Variants in IGF2R observed in about 807,000 individuals in gnomAD.
IGF2R encodes insulin like growth factor 2 receptor, also known as cation-independent mannose-6-phosphate receptor.
In IGF2R, 91 loss-of-function variants were observed where a neutral mutation model predicts 270.6. The observed-to-expected ratio is 0.34, with a 90% CI of 0.28 to 0.40. The LOEUF (loss-of-function observed/expected upper bound fraction) is 0.40. IGF2R is among the 10% of genes least tolerant of loss of function. The pLI is 1.00. For missense variants in IGF2R, 2,805 were observed against 3,188.3 expected (o/e 0.88, Z 2.90); for synonymous variants, 1,316 against 1,258.9 (o/e 1.05, Z -0.96).
At position 160,088,167 on chromosome 6, in the gene IGF2R, A is replaced by C. The variant is rs2114729201; in HGVS notation, c.6320+20A>C. The C allele has an allele frequency of 3.5e-6, 5 of 1,427,134 alleles. No individual in the cohort carries two copies. In the East Asian group the frequency reaches 6.8e-5, roughly 19 times the overall value. The allele number at this position is 1,427,134 out of a possible 1,614,324, so 88.4% of individuals were successfully genotyped here. A position where few individuals can be genotyped will look rare whatever the true frequency, so the allele number is the denominator to read the frequency against. ...CAAGAGGTCAGGAGACTGGGGGCTC[A>C]GAGCGGGACTGTGCAGTGAGCATAC... On this transcript the variant is annotated intron_variant, in intron 42 of 47. Transcript: ENST00000356956.
rs1276450426 is a variant in IGF2R at position 160,106,429 on chromosome 6, C to A, written c.*1345C>A. 1 of 152,534 alleles carries A rather than the reference C, an allele frequency of 6.6e-6. No individual in the cohort carries two copies. The highest frequency in any genetic ancestry group is 1.5e-5 in the Non-Finnish European group (1 of 68,032). 9.4% of individuals were successfully genotyped at this position (152,534 alleles called of 1,614,324 possible). ...CATCCCTCAGCCTGTACCGGTTTGGCTGGCTTGTTTGATTTCAACATGAGT... is the reference window on the plus strand; with the variant it reads ...CATCCCTCAGCCTGTACCGGTTTGGATGGCTTGTTTGATTTCAACATGAGT... On this transcript the variant is annotated 3_prime_UTR_variant, in exon 48 of 48. Coordinates refer to ENST00000356956, the MANE Select transcript of IGF2R (RefSeq NM_000876.4).
intron 1 of IGF2R, among the ~76,000 whole-genome samples, chr6:159,983,032 T>C (rs1235387886): frequency 1.3e-5 from 2 of 152,250 alleles, no homozygotes; most frequent in Non-Finnish European, 2.9e-5. Flanking sequence ...TTTAAAGATA[T>C]TCTATATCTG....
intron 4 of IGF2R, among the ~76,000 whole-genome samples, chr6:160,021,480 T>TA (rs1777433469): frequency 6.8e-6 from 1 of 147,804 alleles, no homozygotes; most frequent in Admixed American, 6.7e-5. Context: ...CATTAGGAGA[T>TA]ATACCTAATG....
At position 160,057,440 on chromosome 6, in the gene IGF2R, C is replaced by T. The variant is rs8191826; in HGVS notation, c.2797-583C>T. Among the ~76,000 whole-genome samples, 998 of 152,318 alleles carry T rather than the reference C, an allele frequency of 6.6e-3. 11 individuals are homozygous for T. The Middle Eastern group carries it at 0.075, about 11-fold the overall frequency. On this transcript the variant is annotated intron_variant, in intron 20 of 47. Coordinates refer to ENST00000356956, the MANE Select transcript of IGF2R (RefSeq NM_000876.4). ...AGAGACCAAGGCTTTTCCAAACCAA[C>T]GGCCCCAGCACAGGGTCCTGGCTTT...
At chr6:159,971,332 C>A (rs1197795834) in intron 1 of IGF2R, among the ~76,000 whole-genome samples, 1 of 152,162 alleles carries the variant, frequency 6.6e-6, no homozygotes, top group African/African-American at 2.4e-5. Flanking sequence ...GTAGGAATGG[C>A]CTTTGTATCT....
At chr6:160,096,303 G>A (rs1433099197) in intron 44 of IGF2R, 136 bp from the exon 45 acceptor site, 1 of 715,074 alleles carries the variant, frequency 1.4e-6, no homozygotes, top group East Asian at 2.5e-5. Context: ...TGAACAGAGT[G>A]CCTGTGGGAC....
intron 45 of IGF2R, among the ~76,000 whole-genome samples, chr6:160,099,079 A>G (rs183956551): frequency 1.6e-3 from 250 of 152,370 alleles, no homozygotes; most frequent in Admixed American, 4.7e-3. Context: ...ACAGGCATCT[A>G]CAGATGGAAG....
intron 41 of IGF2R, among the ~76,000 whole-genome samples, chr6:160,087,570 G>T (rs190753936): frequency 1.3e-5 from 2 of 152,344 alleles, no homozygotes; most frequent in East Asian, 3.9e-4. Context: ...GTGTGGGAAT[G>T]CAAGAACAGG....
chr6:159,985,258 A>T (rs1286699038), intron 1 of IGF2R, among the ~76,000 whole-genome samples: 12 of 152,240 alleles, frequency 7.9e-5, no homozygotes, highest in Non-Finnish European at 1.8e-4. Context: ...TTTTCTGAAA[A>T]GTTAAAACCA....
chr6:160,000,562 G>A (rs1334362666), intron 2 of IGF2R, among the ~76,000 whole-genome samples: 1 of 151,968 alleles, frequency 6.6e-6, no homozygotes, highest in Non-Finnish European at 1.5e-5. Context: ...GCAAATCAGA[G>A]CAATTATGAG....
chr6:159,973,996 G>A (rs1783651112), intron 1 of IGF2R, among the ~76,000 whole-genome samples: 3 of 152,160 alleles, frequency 2.0e-5, no homozygotes, highest in African/African-American at 7.2e-5. Context: ...GAGAGCTCTT[G>A]CTAATGTTGT....
At chr6:160,065,869 C>T (rs1433250736) in intron 29 of IGF2R, among the ~76,000 whole-genome samples, 5 of 133,956 alleles carry the variant, frequency 3.7e-5, no homozygotes, top group South Asian at 5.0e-4. Flanking sequence ...GATGGAATCT[C>T]GCTCTGTCAC....
At position 160,045,819 on chromosome 6, in the gene IGF2R, G is replaced by C; in HGVS notation, c.1840G>C (p.Ala614Pro). The C allele has an allele frequency of 6.2e-7, 1 of 1,613,274 alleles. No homozygotes were observed. The highest frequency in any genetic ancestry group is 2.2e-5 in the East Asian group (1 of 44,864). ...CTTTTATGAGTTTGAGTGGCACACA[G>C]CTGCGGCCTGTGTGCTGTCTAAGAC... is the stretch of plus-strand genomic sequence containing the variant. ...GCFYEFEWHTAAACVLSKTEG... is the reference protein window; with the variant it reads ...GCFYEFEWHTPAACVLSKTEG... Residue 614 changes from alanine (A) to proline (P), a missense_variant, in exon 14 of 48, where the codon GCT becomes CCT. This residue lies in a region of IGF2R where 954 missense variants were observed against 981.1 expected (regional missense o/e 0.97). Coordinates refer to ENST00000356956, the MANE Select transcript of IGF2R (RefSeq NM_000876.4).
intron 39 of IGF2R, among the ~76,000 whole-genome samples, chr6:160,081,174 G>A (rs959143525): frequency 1.2e-4 from 18 of 151,644 alleles, no homozygotes; most frequent in Non-Finnish European, 1.8e-4. Context: ...GTCCAGTATC[G>A]GGGGAACCAG....
At chr6:160,079,909 G>C in intron 38 of IGF2R, 122 bp downstream of exon 38, 1 of 1,010,068 alleles carries the variant, frequency 9.9e-7, no homozygotes, top group Non-Finnish European at 1.4e-6. Flanking sequence ...AACCTTGGGC[G>C]TGAATGTGAG....
chr6:160,098,108 C>T (rs1779406140), intron 45 of IGF2R, among the ~76,000 whole-genome samples: 1 of 152,158 alleles, frequency 6.6e-6, no homozygotes. Context: ...CATGGAGAGG[C>T]TACAGCTGCC....
In IGF2R at chr6:160,084,017, A is replaced by G; in HGVS notation, c.5901A>G (p.Gln1967=). The G allele has an allele frequency of 6.2e-7, 1 of 1,614,186 alleles. No homozygotes were observed. The highest frequency in any genetic ancestry group is 8.5e-7 in the Non-Finnish European group (1 of 1,180,008). The change falls in exon 40 of 48, where the codon CAA becomes CAG. Residue 1967 remains glutamine, a synonymous_variant. Coordinates refer to ENST00000356956, the MANE Select transcript of IGF2R (RefSeq NM_000876.4). The surrounding 1 kb of genome is among the most constrained non-coding windows in gnomAD (Gnocchi z 4.6). ...AAGATGAGGACATTGGGAGGCCACA[A>G]GTCTTCAGTGAAGTGCGTGGGTGTG... ...CDEDEDIGRP[Q]VFSEVRGCDV... is the part of the protein sequence containing the mutation.
At chr6:160,049,669 C>T (rs1778150276) in intron 18 of IGF2R, among the ~76,000 whole-genome samples, 1 of 152,174 alleles carries the variant, frequency 6.6e-6, no homozygotes. Context: ...TGACTTACTC[C>T]CTTGTGTTCG....
chr6:160,068,493 C>T, intron 30 of IGF2R, 108 bp downstream of exon 30: 5 of 1,496,766 alleles, frequency 3.3e-6, no homozygotes, highest in Non-Finnish European at 4.5e-6. Flanking sequence ...GAGTGTATCA[C>T]AGGCTGGCAC....
Sources: gnomAD v4.1 joint callset for allele counts (sites outside exome capture counted in the v4.1 genomes callset) on GRCh38, gnomAD v4.1.1 for gene constraint, gnomAD v4.1.1 regional missense constraint, Gnocchi (gnomAD v3.1) non-coding constraint, MANE v1.5 for transcripts, NCBI Gene and HGNC (gene_info 2026-07-23, HGNC 2026-07-21) for gene names.